The following HIBCH variants were observed in gnomAD, a reference collection of about 807,000 sequenced individuals.
HIBCH encodes 3-hydroxyisobutyryl-CoA hydrolase, mitochondrial.
Under a neutral mutation model 58.2 loss-of-function variants are expected in HIBCH, and 50 were observed. The observed-to-expected ratio is 0.86, with a 90% CI of 0.68 to 1.09. The LOEUF is 1.09. Among genes scored for constraint, HIBCH ranks in the 50% least tolerant of loss-of-function variants. The pLI, the probability that HIBCH is intolerant of heterozygous loss-of-function variation, is 0.00. For synonymous variants in HIBCH, 151 were observed against 146.9 expected (o/e 1.03, Z -0.20); for missense variants, 450 against 449.7 (o/e 1.00, Z -0.01).
rs542645798 is a variant in HIBCH, at chr2:190,306,626, A to C, written c.78+4128T>G. 6.6e-6 allele frequency among the ~76,000 whole-genome samples: 1 copy of C among 152,186 alleles called. No individual in the cohort carries two copies. Among genetic ancestry groups the C allele is most frequent in the South Asian group, 2.1e-4 (1 of 4,824 alleles). Reference sequence around the variant, plus strand: ...CTCAGTGTTGCTCGCTGTGCCACTCATAAAAAATTCTATTTTTTCTAATCC... The same window carrying C: ...CTCAGTGTTGCTCGCTGTGCCACTCCTAAAAAATTCTATTTTTTCTAATCC... On this transcript the variant is annotated intron_variant, in intron 2 of 13. Coordinates refer to ENST00000359678, the MANE Select transcript of HIBCH (RefSeq NM_014362.4). This position sits in a 1 kb window ranked among gnomAD's most constrained non-coding sequence, Gnocchi z 4.6.
intron 5 of HIBCH, 53 bp downstream of exon 5, chr2:190,290,352 G>A (rs1687928343): frequency 3.3e-6 from 4 of 1,204,640 alleles, no homozygotes; most frequent in Admixed American, 3.4e-5. Context: ...AGTACATACT[G>A]TCCACCTCAT....
chr2:190,199,228 G>T (rs1039624450), downstream of HIBCH, among the ~76,000 whole-genome samples: 1 of 152,120 alleles, frequency 6.6e-6, no homozygotes, highest in African/African-American at 2.4e-5. Flanking sequence ...TTTGTAAAGG[G>T]TCAGATAGTA....
intron 1 of HIBCH, among the ~76,000 whole-genome samples, chr2:190,193,553 A>G (rs1327906045): frequency 6.6e-6 from 1 of 152,102 alleles, no homozygotes; most frequent in Non-Finnish European, 1.5e-5. Context: ...TCTTTTTGGA[A>G]AGATTTACAA....
intron 7 of HIBCH, among the ~76,000 whole-genome samples, chr2:190,256,420 G>C (rs1686923246): frequency 6.9e-6 from 1 of 144,904 alleles, no homozygotes. Flanking sequence ...ATTAGCCCTA[G>C]TTGGACCACT....
At chr2:190,291,627 T>C (rs62184432) in intron 4 of HIBCH, among the ~76,000 whole-genome samples, 23,348 of 152,170 alleles carry the variant, frequency 0.15, 2,509 homozygotes, top group Admixed American at 0.32. Flanking sequence ...GATAGAAATG[T>C]AAATTCTCAA....
chr2:190,199,658 T>G, downstream of HIBCH: 1 of 1,326,682 alleles, frequency 7.5e-7, no homozygotes, highest in Admixed American at 2.9e-5. Context: ...CTATTTTGCA[T>G]TCTGTAACTT....
At chr2:190,316,436 AACT>A (rs1236458287) in intron 1 of HIBCH, among the ~76,000 whole-genome samples, 12 of 152,316 alleles carry the variant, frequency 7.9e-5, no homozygotes, top group African/African-American at 2.9e-4. Context: ...GCAGTTTTAA[AACT>A]ACTAACATTA....
At chr2:190,240,677 C>G (rs564982243) in intron 11 of HIBCH, among the ~76,000 whole-genome samples, 1 of 152,146 alleles carries the variant, frequency 6.6e-6, no homozygotes, top group African/African-American at 2.4e-5. Flanking sequence ...GATTCTGGTA[C>G]GTTGTGTCTT....
rs1688112960 is a variant in HIBCH, at chr2:190,296,756, C to T, written c.219+57G>A. On this transcript the variant is annotated intron_variant, in intron 3 of 13. Transcript: ENST00000359678. ...CTATGGGAGAAAATACCAGAAATGT[C>T]CTATTATGATATACTTTGAAAAGAA... 3 of 1,430,634 alleles carry T rather than the reference C, an allele frequency of 2.1e-6. No homozygotes were observed. In the South Asian group the frequency reaches 3.4e-5, roughly 16 times the overall value. 88.6% of individuals were successfully genotyped at this position (1,430,634 alleles called of 1,614,324 possible).
chr2:190,294,657 T>C, intron 3 of HIBCH, 27 bp from the exon 4 acceptor site: 1 of 1,464,138 alleles, frequency 6.8e-7, no homozygotes, highest in Non-Finnish European at 9.6e-7. Flanking sequence ...GAAGATGGTA[T>C]AAGCATATTA....
chr2:190,251,180 GT>G (rs1486459420), intron 8 of HIBCH, among the ~76,000 whole-genome samples: 1 of 152,134 alleles, frequency 6.6e-6, no homozygotes, highest in Non-Finnish European at 1.5e-5. Flanking sequence ...CTATTTGTCA[GT>G]TACTGGGCTA....
intron 7 of HIBCH, among the ~76,000 whole-genome samples, chr2:190,255,978 C>T (rs1021661715): frequency 7.9e-5 from 12 of 152,050 alleles, no homozygotes; most frequent in Non-Finnish European, 1.3e-4. Flanking sequence ...AGGAAACTTA[C>T]GATCATGGCA....
intron 1 of HIBCH, among the ~76,000 whole-genome samples, chr2:190,193,908 T>C (rs1332041347): frequency 1.3e-5 from 2 of 152,212 alleles, no homozygotes; most frequent in Non-Finnish European, 2.9e-5. Context: ...TCTTCTTTTC[T>C]ATTATAAGCA....
intron 11 of HIBCH, among the ~76,000 whole-genome samples, chr2:190,228,457 G>A (rs1685982118): frequency 6.6e-6 from 1 of 151,248 alleles, no homozygotes; most frequent in Admixed American, 6.6e-5. Context: ...TGTAAATGAT[G>A]AGTTAATGGG....
At chr2:190,303,184 T>C (rs1688313491) in intron 2 of HIBCH, among the ~76,000 whole-genome samples, 1 of 152,154 alleles carries the variant, frequency 6.6e-6, no homozygotes, top group Admixed American at 6.6e-5. Context: ...GAGATATGCA[T>C]GAATACATGG....
intron 11 of HIBCH, among the ~76,000 whole-genome samples, chr2:190,227,450 C>T (rs1464601828): frequency 6.6e-6 from 1 of 152,030 alleles, no homozygotes; most frequent in Non-Finnish European, 1.5e-5. Context: ...AATGTTAGAC[C>T]TAAAACCATA....
intron 11 of HIBCH, among the ~76,000 whole-genome samples, chr2:190,232,282 C>CA (rs1162393900): frequency 6.6e-6 from 1 of 152,076 alleles, no homozygotes; most frequent in African/African-American, 2.4e-5. Flanking sequence ...AAACATACAT[C>CA]AAAAAACACC....
At chr2:190,200,277 T>C, downstream of HIBCH, 1 of 736,954 alleles carries the variant, frequency 1.4e-6, no homozygotes, top group Non-Finnish European at 2.3e-6. Context: ...AATGTCACTA[T>C]TATAAGAACA....
downstream of HIBCH, chr2:190,199,751 T>A: frequency 2.0e-6 from 3 of 1,522,950 alleles, no homozygotes; most frequent in Non-Finnish European, 2.6e-6. Context: ...TGAAGTGCCC[T>A]GGAGAGGGAA....
Sources: gnomAD v4.1 joint callset for allele counts (sites outside exome capture counted in the v4.1 genomes callset) on GRCh38, gnomAD v4.1.1 for gene constraint, Gnocchi (gnomAD v3.1) non-coding constraint, MANE v1.5 for transcripts, NCBI Gene and HGNC (gene_info 2026-07-23, HGNC 2026-07-21) for gene names.